Variants in CNTN1 observed in about 807,000 individuals in gnomAD.
CNTN1 encodes contactin-1.
In CNTN1, 38 loss-of-function variants were observed where a neutral mutation model predicts 126.4. The observed-to-expected ratio is 0.30, with a 90% CI of 0.23 to 0.39. The LOEUF is 0.39. Among genes scored for constraint, CNTN1 ranks in the 10% least tolerant of loss-of-function variants. The pLI is 1.00. For synonymous variants in CNTN1, 413 were observed against 422.6 expected (o/e 0.98, Z 0.28); for missense variants, 1,009 against 1,248.4 (o/e 0.81, Z 2.89).
intron 1 of CNTN1, among the ~76,000 whole-genome samples, chr12:40,698,228 ATTTTTTTTTTTTTTT>A (rs35570862): frequency 2.1e-4 from 15 of 69,868 alleles, no homozygotes; most frequent in Admixed American, 2.0e-3. Context: ...CAGCCACTTA[ATTTTTTTTTTTTTTT>A]TTTTTTTTTT....
At chr12:40,872,678 C>T (rs1161016496) in intron 1 of CNTN1, among the ~76,000 whole-genome samples, 1 of 141,980 alleles carries the variant, frequency 7.0e-6, no homozygotes, top group East Asian at 2.1e-4. Flanking sequence ...TCAAGCAATT[C>T]TCCTGCCTCA....
At chr12:40,822,148 CTTTTT>C (rs777953120) in intron 1 of CNTN1, among the ~76,000 whole-genome samples, 2,409 of 47,286 alleles carry the variant, frequency 0.051, 100 homozygotes, top group African/African-American at 0.15. Flanking sequence ...AAATATAAAT[CTTTTT>C]TTTTTTTTTT....
At chr12:40,801,010 G>GATT (rs777712016) in intron 1 of CNTN1, among the ~76,000 whole-genome samples, 7 of 142,790 alleles carry the variant, frequency 4.9e-5, no homozygotes, top group African/African-American at 1.6e-4. Context: ...TCAAACTAGA[G>GATT]TTTTGTTTTT....
intron 1 of CNTN1, among the ~76,000 whole-genome samples, chr12:40,905,516 G>A (rs575103616): frequency 3.9e-5 from 6 of 152,168 alleles, no homozygotes; most frequent in African/African-American, 1.4e-4. Context: ...GAAACATTTA[G>A]AATTCTCAAA....
chr12:40,812,943 ATTTTT>A (rs36133223), intron 1 of CNTN1, among the ~76,000 whole-genome samples: 1 of 131,694 alleles, frequency 7.6e-6, no homozygotes, highest in Admixed American at 7.7e-5. Context: ...CAGTTTGTTA[ATTTTT>A]TTTTTTTTTT....
chr12:40,894,940 A>G (rs934453647), intron 1 of CNTN1, among the ~76,000 whole-genome samples: 1 of 152,180 alleles, frequency 6.6e-6, no homozygotes, highest in Admixed American at 6.5e-5. Flanking sequence ...TCTCAGTGGA[A>G]TAAAGAAGAG....
chr12:40,844,037 A>G (rs530447430), intron 1 of CNTN1, among the ~76,000 whole-genome samples: 1 of 137,598 alleles, frequency 7.3e-6, no homozygotes, highest in Non-Finnish European at 1.6e-5. Flanking sequence ...AATAAATGCC[A>G]TATTTTATTG....
intron 23 of CNTN1, among the ~76,000 whole-genome samples, chr12:41,049,859 C>T (rs1244180560): frequency 6.6e-6 from 1 of 152,106 alleles, no homozygotes; most frequent in African/African-American, 2.4e-5. Context: ...ATTTTATTTC[C>T]CAATGTCCTG....
At chr12:40,880,686 G>C (rs117563330) in intron 1 of CNTN1, among the ~76,000 whole-genome samples, 3,268 of 152,102 alleles carry the variant, frequency 0.021, 57 homozygotes, top group South Asian at 0.049. Context: ...ACCAAGAAAA[G>C]AACAGGTTTG....
At chr12:40,698,736 CT>C (rs1042602642) in intron 1 of CNTN1, among the ~76,000 whole-genome samples, 1 of 152,002 alleles carries the variant, frequency 6.6e-6, no homozygotes, top group African/African-American at 2.4e-5. Context: ...GTTAGTTCCC[CT>C]TTTTTTGTAT....
intron 23 of CNTN1, among the ~76,000 whole-genome samples, chr12:41,055,075 A>T (rs1716572216): frequency 6.6e-6 from 1 of 152,166 alleles, no homozygotes; most frequent in Admixed American, 6.6e-5. Context: ...CTAATAGAAT[A>T]TGTATTTGCC....
intron 1 of CNTN1, among the ~76,000 whole-genome samples, chr12:40,902,647 T>G (rs993363842): frequency 6.6e-6 from 1 of 152,220 alleles, no homozygotes; most frequent in African/African-American, 2.4e-5. Context: ...ATTCTTGAGA[T>G]GTTCTCTGTC....
At chr12:40,925,793 A>C in intron 6 of CNTN1, among the ~76,000 whole-genome samples, 1 of 115,216 alleles carries the variant, frequency 8.7e-6, no homozygotes. Context: ...TTAAGGAACT[A>C]TTGAAATTAT....
At position 40,977,947 on chromosome 12, in the gene CNTN1, G is replaced by T. The variant is rs117178757; in HGVS notation, c.1805-2962G>T. Among the ~76,000 whole-genome samples, 154 of 152,074 alleles carry T rather than the reference G, an allele frequency of 1.0e-3. 1 individual carries two copies. In the East Asian group the frequency reaches 0.018, roughly 17 times the overall value. The stretch of plus-strand genomic sequence containing the variant: ...CCTCCTGAATAGCTGGGATTATTAG[G>T]TGTGTACTGCCATGCCAGCTGATTT... On this transcript the variant is annotated intron_variant, in intron 15 of 23. Transcript: ENST00000551295.
chr12:40,821,500 A>G (rs1020094944), intron 1 of CNTN1, among the ~76,000 whole-genome samples: 5 of 152,200 alleles, frequency 3.3e-5, no homozygotes, highest in African/African-American at 1.2e-4. Flanking sequence ...ACTTGTAACC[A>G]TTAGTAGTAG....
chr12:40,793,025 T>C (rs1280154373), intron 1 of CNTN1, among the ~76,000 whole-genome samples: 1 of 152,020 alleles, frequency 6.6e-6, no homozygotes, highest in Non-Finnish European at 1.5e-5. Flanking sequence ...GAGTCCTCCT[T>C]AGCCTCATCT....
chr12:40,820,923 G>A (rs949496264), intron 1 of CNTN1, among the ~76,000 whole-genome samples: 2 of 152,148 alleles, frequency 1.3e-5, no homozygotes, highest in Non-Finnish European at 2.9e-5. Flanking sequence ...GAACCTTTGA[G>A]CAATCCCAAG....
At chr12:40,825,623 T>C (rs560562904) in intron 1 of CNTN1, among the ~76,000 whole-genome samples, 48 of 152,256 alleles carry the variant, frequency 3.2e-4, no homozygotes, top group African/African-American at 1.1e-3. Flanking sequence ...TTCTGAAAAA[T>C]GGAAATTGGC....
intron 15 of CNTN1, chr12:40,971,301 G>A: frequency 1.4e-6 from 1 of 731,492 alleles, no homozygotes; most frequent in East Asian, 2.8e-5. Context: ...AGTGTGTAGG[G>A]GAAGATACCT....
Sources: allele counts gnomAD v4.1 joint callset (sites outside exome capture counted in the v4.1 genomes callset), GRCh38; gene constraint gnomAD v4.1.1; transcripts MANE v1.5; gene names NCBI Gene and HGNC (gene_info 2026-07-23, HGNC 2026-07-21).